Variants in FMN2 observed in about 807,000 individuals in gnomAD.
FMN2 encodes the protein formin-2.
FMN2 carries 51 observed loss-of-function variants against 142.3 expected under a neutral mutation model. The ratio of observed to expected loss-of-function variants is 0.36; its 90% CI spans 0.29 to 0.45. FMN2 has a LOEUF of 0.45. FMN2 is among the 20% of genes least tolerant of loss of function. The probability of loss-of-function intolerance (pLI) is 1.00; values close to 1 mark genes in which losing one functional copy is unlikely to be tolerated. For synonymous variants in FMN2, 882 were observed against 869.8 expected (o/e 1.01, Z -0.25); for missense variants, 1,936 against 2,122.8 (o/e 0.91, Z 1.73).
intron 1 of FMN2, among the ~76,000 whole-genome samples, chr1:240,120,732 G>A (rs1448067218): frequency 6.6e-6 from 1 of 152,162 alleles, no homozygotes; most frequent in East Asian, 1.9e-4. Context: ...GATAACAGTT[G>A]ATCTAAATTT....
At chr1:240,122,391 C>A (rs1239182125) in intron 1 of FMN2, among the ~76,000 whole-genome samples, 1 of 152,136 alleles carries the variant, frequency 6.6e-6, no homozygotes, top group Non-Finnish European at 1.5e-5. Context: ...TCAAGCAATT[C>A]TCTTGCCTCA....
chr1:240,176,182 T>G (rs540254419), intron 2 of FMN2, among the ~76,000 whole-genome samples: 1 of 152,322 alleles, frequency 6.6e-6, no homozygotes, highest in Non-Finnish European at 1.5e-5. Context: ...AGTTTTGTAG[T>G]TTTAGGTCTT....
chr1:240,446,897 T>C (rs1675836452), intron 16 of FMN2, among the ~76,000 whole-genome samples: 1 of 152,116 alleles, frequency 6.6e-6, no homozygotes, highest in Non-Finnish European at 1.5e-5. Flanking sequence ...GACTTTAGGA[T>C]TTCAGCTTCA....
intron 15 of FMN2, among the ~76,000 whole-genome samples, chr1:240,407,136 A>G (rs1319166419): frequency 6.6e-6 from 1 of 150,962 alleles, no homozygotes; most frequent in Non-Finnish European, 1.5e-5. Context: ...TTACAGCTAC[A>G]ATACTTTTTT....
intron 4 of FMN2, among the ~76,000 whole-genome samples, chr1:240,196,662 CCA>C (rs1432386968): frequency 6.6e-6 from 1 of 152,130 alleles, no homozygotes; most frequent in Admixed American, 6.5e-5. Flanking sequence ...CAGGCACCTG[CCA>C]CCATGCCCAG....
chr1:240,361,562 G>A (rs933829593), intron 14 of FMN2, among the ~76,000 whole-genome samples: 13 of 152,208 alleles, frequency 8.5e-5, no homozygotes, highest in Admixed American at 5.9e-4. Flanking sequence ...CCAAATGGAC[G>A]AGGAGATGAT....
intron 2 of FMN2, chr1:240,143,864 A>G: frequency 2.5e-6 from 4 of 1,586,372 alleles, no homozygotes; most frequent in Non-Finnish European, 3.5e-6. Context: ...TGAATCTCCC[A>G]TCACAGGCAG....
chr1:240,225,305 T>G (rs949703294), intron 6 of FMN2, among the ~76,000 whole-genome samples: 39 of 152,316 alleles, frequency 2.6e-4, no homozygotes, highest in African/African-American at 8.9e-4. Flanking sequence ...CTGAATGTGA[T>G]AGCAGACTCC....
At chr1:240,094,833 T>A (rs1311435279) in intron 1 of FMN2, among the ~76,000 whole-genome samples, 1 of 152,214 alleles carries the variant, frequency 6.6e-6, no homozygotes, top group Non-Finnish European at 1.5e-5. Context: ...TTAGATGAAA[T>A]TTCTCGGCAC....
intron 1 of FMN2, among the ~76,000 whole-genome samples, chr1:240,107,060 C>G (rs1046427100): frequency 6.6e-6 from 1 of 151,270 alleles, no homozygotes; most frequent in Non-Finnish European, 1.5e-5. Flanking sequence ...ACAATTGAAA[C>G]CTCAGATTTA....
intron 7 of FMN2, among the ~76,000 whole-genome samples, chr1:240,288,206 A>G (rs1206826672): frequency 6.6e-6 from 1 of 152,172 alleles, no homozygotes; most frequent in Non-Finnish European, 1.5e-5. Flanking sequence ...AAGCATGACC[A>G]TGTAATTATG....
chr1:240,471,619 A>G (rs2065831), intron 16 of FMN2: 101,728 of 152,114 alleles, frequency 0.67, 34,972 homozygotes, highest in African/African-American at 0.84. Context: ...CTTGTGATCC[A>G]CCTGCCTCAG....
At chr1:240,396,066 TAA>T (rs1673760174) in intron 15 of FMN2, among the ~76,000 whole-genome samples, 1 of 152,218 alleles carries the variant, frequency 6.6e-6, no homozygotes, top group Non-Finnish European at 1.5e-5. Context: ...AAAAAGATAT[TAA>T]GTCACTGAAG....
intron 7 of FMN2, among the ~76,000 whole-genome samples, chr1:240,277,423 C>T (rs899648285): frequency 6.9e-5 from 10 of 144,428 alleles, no homozygotes; most frequent in African/African-American, 2.4e-4. Flanking sequence ...TTATATTGAA[C>T]CTTTCTGCCT....
chr1:240,405,214 C>T (rs753105238), intron 15 of FMN2, among the ~76,000 whole-genome samples: 1 of 152,194 alleles, frequency 6.6e-6, no homozygotes, highest in African/African-American at 2.4e-5. Context: ...AGGGCAAGGG[C>T]TGGAGAGGGC....
intron 1 of FMN2, among the ~76,000 whole-genome samples, chr1:240,108,832 T>G (rs1661703524): frequency 1.3e-5 from 2 of 152,030 alleles, no homozygotes; most frequent in African/African-American, 4.8e-5. Flanking sequence ...GGTCAGGAGT[T>G]CAAGATCAGC....
chr1:240,184,294 T>G (rs1467280497), intron 3 of FMN2, among the ~76,000 whole-genome samples: 2 of 132,490 alleles, frequency 1.5e-5, no homozygotes, highest in East Asian at 2.3e-4. Context: ...TGGAGTGCAG[T>G]GGCGCGATCT....
chr1:240,144,590 G>A lies in FMN2; in HGVS notation c.1782+21245G>A, dbSNP rs1298626724. The A allele has an allele frequency of 2.2e-6, 3 of 1,363,050 alleles. No homozygotes were observed. The East Asian group carries it at 6.9e-5, about 31-fold the overall frequency. 84.4% of individuals were successfully genotyped at this position (1,363,050 alleles called of 1,614,324 possible). On this transcript the variant is annotated intron_variant, in intron 2 of 17. Coordinates refer to ENST00000319653, the MANE Select transcript of FMN2 (RefSeq NM_020066.5). ...CATCAGTGCCAATCTCAGAGCTTTA[G>A]GAAAGCGGCTAAACTTTCAGAACAC...
intron 14 of FMN2, among the ~76,000 whole-genome samples, chr1:240,365,214 TACACAC>T (rs1364148508): frequency 4.5e-5 from 6 of 132,974 alleles, no homozygotes; most frequent in African/African-American, 2.0e-4. Context: ...TGTATATATA[TACACAC>T]AGACACACAT....
Sources: gnomAD v4.1 joint callset for allele counts (sites outside exome capture counted in the v4.1 genomes callset) on GRCh38, gnomAD v4.1.1 for gene constraint, MANE v1.5 for transcripts, NCBI Gene and HGNC (gene_info 2026-07-23, HGNC 2026-07-21) for gene names.